Variants in TENM3 observed in about 807,000 individuals in gnomAD.
The protein encoded by TENM3 is teneurin-3.
In TENM3, 63 loss-of-function variants were observed where a neutral mutation model predicts 255.1. The ratio of observed to expected loss-of-function variants is 0.25; its 90% confidence interval spans 0.20 to 0.30. The LOEUF (loss-of-function observed/expected upper bound fraction) is 0.30. Among genes scored for constraint, TENM3 ranks in the 10% least tolerant of loss-of-function variants. The pLI is 1.00. For missense variants in TENM3, 2,929 were observed against 3,461.1 expected (o/e 0.85, Z 3.86); for synonymous variants, 1,306 against 1,322.3 (o/e 0.99, Z 0.27).
chr4:182,166,855 G>A (rs947206767), intron 1 of TENM3, among the ~76,000 whole-genome samples: 1 of 149,672 alleles, frequency 6.7e-6, no homozygotes, highest in African/African-American at 2.5e-5. Context: ...GAAATTATTT[G>A]TTATAATTGT....
At chr4:181,554,446 G>A in the TENM3 span, among the ~76,000 whole-genome samples, 2 of 152,284 alleles carry the variant, frequency 1.3e-5, no homozygotes, top group East Asian at 1.9e-4. Flanking sequence ...ATGATGAGCA[G>A]AATAATTATA....
In TENM3 at chr4:182,154,585, C is replaced by A. The variant is rs146060409; in HGVS notation, c.-76+9831C>A. On this transcript the variant is annotated intron_variant, in intron 1 of 2. Coordinates refer to the TENM3 transcript ENST00000512480. ...AAGCCAGATTATCTATTGAAGAATGCTTTTCCATTTATGCCAGATGACCAG... is the reference window on the plus strand; with the variant it reads ...AAGCCAGATTATCTATTGAAGAATGATTTTCCATTTATGCCAGATGACCAG... Among the ~76,000 whole-genome samples, 13 of 152,226 alleles carry A rather than the reference C, an allele frequency of 8.5e-5. No homozygotes were observed. In the East Asian group the frequency reaches 2.3e-3, roughly 27 times the overall value.
At chr4:182,046,686 T>A in the TENM3 span, among the ~76,000 whole-genome samples, 24 of 152,112 alleles carry the variant, frequency 1.6e-4, 1 homozygote, top group Non-Finnish European at 4.4e-5. Context: ...GCCATGATCC[T>A]GCCACTGTAC....
At chr4:181,839,910 A>G in the TENM3 span, among the ~76,000 whole-genome samples, 84,648 of 151,586 alleles carry the variant, frequency 0.56, 24,962 homozygotes, top group East Asian at 0.74. Context: ...AGATTTCTGG[A>G]ATAAATTGAT....
At chr4:182,611,282 C>T (rs190020232) in intron 4 of TENM3, among the ~76,000 whole-genome samples, 1 of 151,936 alleles carries the variant, frequency 6.6e-6, no homozygotes, top group Non-Finnish European at 1.5e-5. Context: ...ATTTACTAAG[C>T]TTGTGCCTGT....
chr4:182,719,396 G>A (rs1282260508), intron 13 of TENM3, among the ~76,000 whole-genome samples: 2 of 150,926 alleles, frequency 1.3e-5, no homozygotes, highest in Non-Finnish European at 3.0e-5. Context: ...CGAGTAGCTG[G>A]GACTATAGGC....
At chr4:182,204,885 AT>A (rs1037570529) in intron 1 of TENM3, among the ~76,000 whole-genome samples, 2 of 152,130 alleles carry the variant, frequency 1.3e-5, no homozygotes, top group Admixed American at 6.5e-5. Flanking sequence ...GCATTTGGAG[AT>A]TTCTCTAAAA....
intron 3 of TENM3, among the ~76,000 whole-genome samples, chr4:182,430,961 G>A (rs1417691395): frequency 1.3e-5 from 2 of 151,108 alleles, no homozygotes; most frequent in South Asian, 2.1e-4. Context: ...GCAGTGAGCC[G>A]AGATTGTGCC....
At chr4:182,378,649 G>A (rs1254799775) in intron 3 of TENM3, among the ~76,000 whole-genome samples, 4 of 152,176 alleles carry the variant, frequency 2.6e-5, no homozygotes, top group Admixed American at 6.5e-5. Flanking sequence ...GTCACCCAGC[G>A]GTCACGGAGG....
intron 3 of TENM3, among the ~76,000 whole-genome samples, chr4:182,560,766 A>T (rs1743081482): frequency 6.6e-6 from 1 of 152,206 alleles, no homozygotes; most frequent in South Asian, 2.1e-4. Flanking sequence ...GGACATCATA[A>T]ATGAACAGAT....
chr4:182,634,707 TAAAAAAAAA>T lies in TENM3; in HGVS notation c.988+5832_988+5840del, dbSNP rs11395245. ...CATTCTTCTTTTTTGACTCTGAAATTAAAAAAAAAAAAAAAAAAAAAAGATGAGCAGTAA... is the reference window on the plus strand; with the variant it reads ...CATTCTTCTTTTTTGACTCTGAAATTAAAAAAAAAAAAAGATGAGCAGTAA... On this transcript the variant is annotated intron_variant, in intron 5 of 27. Coordinates refer to ENST00000511685, the MANE Select transcript of TENM3 (RefSeq NM_001080477.4). 5.2e-5 allele frequency among the ~76,000 whole-genome samples: 6 copies of T among 116,392 alleles called. No individual in the cohort carries two copies. The South Asian group carries it at 1.6e-3, about 31-fold the overall frequency. The allele number at this position is 116,392 out of a possible 152,430, so 76.4% of individuals were successfully genotyped here. A position where few individuals can be genotyped will look rare whatever the true frequency, so the allele number is the denominator to read the frequency against.
chr4:182,426,883 T>A (rs1771263881), intron 3 of TENM3, among the ~76,000 whole-genome samples: 1 of 152,224 alleles, frequency 6.6e-6, no homozygotes, highest in Admixed American at 6.5e-5. Flanking sequence ...CTGTGTTCAT[T>A]ATCTGTTGAA....
At chr4:182,526,994 T>C (rs931532476) in intron 3 of TENM3, among the ~76,000 whole-genome samples, 2 of 151,878 alleles carry the variant, frequency 1.3e-5, no homozygotes, top group Non-Finnish European at 2.9e-5. Context: ...TTTTCTGAGC[T>C]CCTAATATGG....
the TENM3 span, among the ~76,000 whole-genome samples, chr4:181,912,675 GGAA>G: frequency 5.2e-3 from 782 of 151,714 alleles, 4 homozygotes; most frequent in African/African-American, 0.017. Flanking sequence ...TGGAGGCTGA[GGAA>G]GAAGAATCAC....
chr4:181,456,420 A>G, the TENM3 span, among the ~76,000 whole-genome samples: 21 of 151,898 alleles, frequency 1.4e-4, no homozygotes, highest in Non-Finnish European at 2.2e-4. Context: ...GTTTAAAACC[A>G]AGGAACGAAC....
intron 1 of TENM3, among the ~76,000 whole-genome samples, chr4:182,263,181 G>A (rs1579943530): frequency 6.6e-6 from 1 of 152,134 alleles, no homozygotes; most frequent in African/African-American, 2.4e-5. Flanking sequence ...GGTTGTTGGG[G>A]GTCCTATAAC....
At chr4:181,641,451 G>C in the TENM3 span, among the ~76,000 whole-genome samples, 1 of 148,660 alleles carries the variant, frequency 6.7e-6, no homozygotes, top group Non-Finnish European at 1.5e-5. Flanking sequence ...TTCTGTTCTT[G>C]TGTTAATTTG....
chr4:182,216,900 T>A (rs1175973074), intron 1 of TENM3, among the ~76,000 whole-genome samples: 1 of 152,174 alleles, frequency 6.6e-6, no homozygotes, highest in South Asian at 2.1e-4. Context: ...CATTGATCAT[T>A]TTTGTAACCA....
intron 4 of TENM3, among the ~76,000 whole-genome samples, chr4:182,611,772 A>G (rs1749024785): frequency 6.6e-6 from 1 of 152,206 alleles, no homozygotes; most frequent in African/African-American, 2.4e-5. Context: ...ATCATTCTTG[A>G]ACACTTCCTC....
Sources: gnomAD v4.1 joint callset for allele counts (sites outside exome capture counted in the v4.1 genomes callset) on GRCh38, gnomAD v4.1.1 for gene constraint, MANE v1.5 for transcripts, NCBI Gene and HGNC (gene_info 2026-07-23, HGNC 2026-07-21) for gene names.